The following PEBP4 variants were observed in gnomAD, a reference collection of about 807,000 sequenced individuals.
The protein encoded by PEBP4 is phosphatidylethanolamine binding protein 4.
PEBP4 carries 22 observed loss-of-function variants against 23.9 expected under a neutral mutation model. The observed-to-expected ratio is 0.92, with a 90% confidence interval of 0.66 to 1.31. The LOEUF (loss-of-function observed/expected upper bound fraction) is 1.31, where lower values mean the gene tolerates loss of function less well. PEBP4 is among the 40% of genes most tolerant of loss of function. PEBP4 has a pLI of 0.00. For missense variants in PEBP4, 324 were observed against 281.7 expected (o/e 1.15, Z -1.07); for synonymous variants, 112 against 99.3 (o/e 1.13, Z -0.76).
intron 4 of PEBP4, among the ~76,000 whole-genome samples, chr8:22,741,458 G>T (rs200096582): frequency 6.6e-6 from 1 of 152,170 alleles, no homozygotes. Flanking sequence ...ATGCCAATCC[G>T]GGAAGTTTGA....
intron 4 of PEBP4, among the ~76,000 whole-genome samples, chr8:22,770,226 T>C (rs760115529): frequency 7.2e-5 from 11 of 152,158 alleles, no homozygotes; most frequent in African/African-American, 1.9e-4. Flanking sequence ...ACTGGGTCAG[T>C]GGCTTGGTGG....
At chr8:22,797,937 A>T (rs1021568035) in intron 4 of PEBP4, among the ~76,000 whole-genome samples, 1 of 152,124 alleles carries the variant, frequency 6.6e-6, no homozygotes, top group Non-Finnish European at 1.5e-5. Flanking sequence ...CGGGTGCAGG[A>T]GGGAGGCGAG....
intron 3 of PEBP4, among the ~76,000 whole-genome samples, chr8:22,879,563 T>C (rs1808200040): frequency 6.6e-6 from 1 of 152,168 alleles, no homozygotes; most frequent in African/African-American, 2.4e-5. Context: ...CCAGATAGGA[T>C]AGATCACAGG....
chr8:22,895,743 T>C (rs1205099439), intron 3 of PEBP4: 1 of 152,272 alleles, frequency 6.6e-6, no homozygotes, highest in East Asian at 1.9e-4. Context: ...TATATTTCTT[T>C]AGATCATTTC....
chr8:22,846,228 G>T (rs1478046561), intron 3 of PEBP4, among the ~76,000 whole-genome samples: 1 of 152,162 alleles, frequency 6.6e-6, no homozygotes, highest in Non-Finnish European at 1.5e-5. Flanking sequence ...CTGCACACTG[G>T]GAGGCAGATT....
At chr8:22,745,889 G>A (rs1439907458) in intron 4 of PEBP4, among the ~76,000 whole-genome samples, 3 of 152,238 alleles carry the variant, frequency 2.0e-5, no homozygotes, top group Admixed American at 2.0e-4. Context: ...CCTTGTCTAA[G>A]TCATTAGGCG....
intron 4 of PEBP4, among the ~76,000 whole-genome samples, chr8:22,766,727 C>T (rs987840345): frequency 3.9e-5 from 6 of 152,174 alleles, no homozygotes; most frequent in African/African-American, 1.4e-4. Flanking sequence ...GAAGATGGTT[C>T]TTTCTTTCTC....
At chr8:22,763,590 A>C (rs539261413) in intron 4 of PEBP4, among the ~76,000 whole-genome samples, 1 of 152,300 alleles carries the variant, frequency 6.6e-6, no homozygotes, top group South Asian at 2.1e-4. Context: ...CAAAATGGGA[A>C]CAATGCGAGT....
At chr8:22,750,163 G>A (rs566793323) in intron 4 of PEBP4, among the ~76,000 whole-genome samples, 5 of 150,172 alleles carry the variant, frequency 3.3e-5, no homozygotes, top group Admixed American at 6.6e-5. Context: ...GTGCAGTGGT[G>A]TGATCTTGGC....
At chr8:22,855,501 C>T (rs958485415) in intron 3 of PEBP4, among the ~76,000 whole-genome samples, 9 of 152,166 alleles carry the variant, frequency 5.9e-5, no homozygotes, top group African/African-American at 2.2e-4. Context: ...TCTGTATTTT[C>T]ACATCCCTTC....
intron 4 of PEBP4, among the ~76,000 whole-genome samples, chr8:22,800,346 T>C (rs941170282): frequency 6.6e-6 from 1 of 152,006 alleles, no homozygotes; most frequent in Non-Finnish European, 1.5e-5. Flanking sequence ...TCTGCACTGA[T>C]AAGCTTCTAT....
intron 2 of PEBP4, among the ~76,000 whole-genome samples, chr8:22,923,502 G>C (rs934604879): frequency 2.0e-5 from 3 of 152,066 alleles, no homozygotes; most frequent in African/African-American, 7.2e-5. Context: ...GGGAGGTCAA[G>C]GTTGCAGTGA....
At chr8:22,809,831 T>C (rs1394499620) in intron 4 of PEBP4, among the ~76,000 whole-genome samples, 1 of 152,248 alleles carries the variant, frequency 6.6e-6, no homozygotes, top group Non-Finnish European at 1.5e-5. Flanking sequence ...AGGAAGAGTA[T>C]CTGTGGCCAG....
At chr8:22,722,571 A>C (rs1055343755) in intron 6 of PEBP4, among the ~76,000 whole-genome samples, 2 of 152,192 alleles carry the variant, frequency 1.3e-5, no homozygotes, top group Non-Finnish European at 2.9e-5. Flanking sequence ...AGAATCACAC[A>C]ATTAAGTGTT....
At chr8:22,813,494 T>C (rs1040699302) in intron 4 of PEBP4, among the ~76,000 whole-genome samples, 1 of 152,186 alleles carries the variant, frequency 6.6e-6, no homozygotes, top group Non-Finnish European at 1.5e-5. Flanking sequence ...AAAAGTCTAA[T>C]GAAAATATCT....
chr8:22,777,975 CCCA>C (rs561915243), intron 4 of PEBP4, among the ~76,000 whole-genome samples: 11 of 152,154 alleles, frequency 7.2e-5, no homozygotes, highest in Non-Finnish European at 1.6e-4. Flanking sequence ...CTCAGCTTTT[CCCA>C]CCACCAGCCC....
intron 3 of PEBP4, among the ~76,000 whole-genome samples, chr8:22,852,022 C>T (rs957848206): frequency 6.6e-6 from 1 of 152,036 alleles, no homozygotes. Flanking sequence ...CAGTTGGTAG[C>T]TCAGCAGCCA....
chr8:22,921,976 C>T (rs1308057528), intron 2 of PEBP4, among the ~76,000 whole-genome samples: 1 of 152,226 alleles, frequency 6.6e-6, no homozygotes, highest in Non-Finnish European at 1.5e-5. Flanking sequence ...GGGACGCCCT[C>T]ACGCCCATAA....
chr8:22,776,025 G>C (rs1181964160), intron 4 of PEBP4, among the ~76,000 whole-genome samples: 2 of 152,162 alleles, frequency 1.3e-5, no homozygotes, highest in Non-Finnish European at 2.9e-5. Context: ...AGGTGGGTCT[G>C]TGGCAGGGGC....
Sources: allele counts gnomAD v4.1 joint callset (sites outside exome capture counted in the v4.1 genomes callset), GRCh38; gene constraint gnomAD v4.1.1; transcripts MANE v1.5; gene names NCBI Gene and HGNC (gene_info 2026-07-23, HGNC 2026-07-21).